Variants in PHACTR1 observed in about 807,000 individuals in gnomAD.
The protein encoded by PHACTR1 is RPEL repeat containing 1.
In PHACTR1, 16 loss-of-function variants were observed where a neutral mutation model predicts 69.2. The ratio of observed to expected loss-of-function variants is 0.23; its 90% CI spans 0.16 to 0.35. The LOEUF (loss-of-function observed/expected upper bound fraction) is 0.35. PHACTR1 is among the 10% of genes least tolerant of loss of function. The pLI is 1.00. For synonymous variants in PHACTR1, 312 were observed against 284.5 expected (o/e 1.10, Z -0.97); for missense variants, 510 against 734.7 (o/e 0.69, Z 3.54).
chr6:12,988,560 G>A (rs141894872), intron 4 of PHACTR1, among the ~76,000 whole-genome samples: 2 of 152,304 alleles, frequency 1.3e-5, no homozygotes, highest in African/African-American at 4.8e-5. Context: ...AAAGTATAAT[G>A]TTCGCAAAGT....
intron 4 of PHACTR1, among the ~76,000 whole-genome samples, chr6:12,887,053 C>T (rs1461360804): frequency 6.6e-6 from 1 of 152,130 alleles, no homozygotes; most frequent in Non-Finnish European, 1.5e-5. Context: ...ACCCCCTCCT[C>T]CTCCTTTTCT....
At chr6:13,067,455 A>T (rs1007059508) in intron 5 of PHACTR1, among the ~76,000 whole-genome samples, 7 of 152,218 alleles carry the variant, frequency 4.6e-5, no homozygotes, top group African/African-American at 1.4e-4. Flanking sequence ...ACGTATCTCT[A>T]TAAAGAAATG....
intron 7 of PHACTR1, among the ~76,000 whole-genome samples, chr6:13,196,329 A>T (rs1209386431): frequency 6.6e-6 from 1 of 152,194 alleles, no homozygotes; most frequent in Non-Finnish European, 1.5e-5. Context: ...GTAAAGAGAC[A>T]AAATCCCAGG....
At chr6:13,210,585 AGCT>A (rs1463765958) in intron 8 of PHACTR1, among the ~76,000 whole-genome samples, 4 of 152,190 alleles carry the variant, frequency 2.6e-5, no homozygotes, top group African/African-American at 7.2e-5. Context: ...ACCACGTATT[AGCT>A]GTGTGACCCA....
At chr6:12,941,294 C>T (rs1233935538) in intron 4 of PHACTR1, among the ~76,000 whole-genome samples, 1 of 152,162 alleles carries the variant, frequency 6.6e-6, no homozygotes, top group African/African-American at 2.4e-5. Context: ...TGATATTTAA[C>T]CTACATCACA....
intron 2 of PHACTR1, chr6:12,718,198 A>G (rs1761635082): frequency 6.6e-6 from 1 of 152,204 alleles, no homozygotes; most frequent in African/African-American, 2.4e-5. Flanking sequence ...AGGAATTCAA[A>G]GCATTTGTAC....
At chr6:12,739,137 T>C (rs1425566911) in intron 3 of PHACTR1, among the ~76,000 whole-genome samples, 1 of 152,164 alleles carries the variant, frequency 6.6e-6, no homozygotes, top group East Asian at 1.9e-4. Context: ...TAACAAGACA[T>C]AGTAAGGCTT....
intron 7 of PHACTR1, among the ~76,000 whole-genome samples, chr6:13,196,293 G>A (rs1387080382): frequency 1.4e-5 from 2 of 141,892 alleles, no homozygotes; most frequent in African/African-American, 5.3e-5. Context: ...GGGAAAGGAG[G>A]CATTTTTATT....
chr6:13,184,483 T>C (rs1191696831), intron 7 of PHACTR1, among the ~76,000 whole-genome samples: 1 of 152,240 alleles, frequency 6.6e-6, no homozygotes, highest in Admixed American at 6.5e-5. Flanking sequence ...TCTTAGAGCA[T>C]GTGTAGGGTT....
chr6:13,207,466 G>A (rs190611628), intron 8 of PHACTR1, among the ~76,000 whole-genome samples: 71 of 152,266 alleles, frequency 4.7e-4, no homozygotes, highest in African/African-American at 1.3e-3. Flanking sequence ...GTCGCTCTTC[G>A]GGGAGAGCTG....
At chr6:13,206,777 C>T (rs1043041710) in intron 8 of PHACTR1, among the ~76,000 whole-genome samples, 1 of 152,202 alleles carries the variant, frequency 6.6e-6, no homozygotes, top group Non-Finnish European at 1.5e-5. Flanking sequence ...CACACCCACA[C>T]TCACTCAGAC....
chr6:12,719,509 A>G (rs1761835297), intron 3 of PHACTR1, among the ~76,000 whole-genome samples: 1 of 149,722 alleles, frequency 6.7e-6, no homozygotes, highest in African/African-American at 2.5e-5. Context: ...CTAGGAGGAG[A>G]TTTTTTTTTT....
At chr6:12,958,830 C>T (rs565280999) in intron 4 of PHACTR1, among the ~76,000 whole-genome samples, 1 of 152,260 alleles carries the variant, frequency 6.6e-6, no homozygotes, top group African/African-American at 2.4e-5. Flanking sequence ...TTTTTCTGCC[C>T]TTCTCTCAGT....
At chr6:12,826,634 G>A (rs990758425) in intron 4 of PHACTR1, among the ~76,000 whole-genome samples, 13 of 152,144 alleles carry the variant, frequency 8.5e-5, no homozygotes, top group Non-Finnish European at 1.9e-4. Context: ...TCTTAAGTAT[G>A]TAATTTACAA....
Position 12,835,549 on chromosome 6 carries a change from C to T in PHACTR1, c.250+85759C>T, listed in dbSNP as rs541879799. Among the ~76,000 whole-genome samples, 4 of 152,194 alleles carry T rather than the reference C, an allele frequency of 2.6e-5. No homozygotes were observed. In the South Asian group the frequency reaches 8.3e-4, roughly 32 times the overall value. ...AATTCAATAGTTTTAAAAGGGTATT[C>T]AGGAGAAATAAGTCTCCCTCCCAGC... On this transcript the variant is annotated intron_variant, in intron 4 of 14. Coordinates refer to ENST00000332995, the MANE Select transcript of PHACTR1 (RefSeq NM_030948.6).
At chr6:13,244,913 T>C (rs537804969) in intron 10 of PHACTR1, among the ~76,000 whole-genome samples, 3 of 152,248 alleles carry the variant, frequency 2.0e-5, no homozygotes, top group Non-Finnish European at 4.4e-5. Flanking sequence ...AAGTGATAAG[T>C]GTCCATGAAA....
At chr6:12,719,495 G>A (rs938709578) in intron 3 of PHACTR1, among the ~76,000 whole-genome samples, 1 of 152,022 alleles carries the variant, frequency 6.6e-6, no homozygotes. Context: ...ATGGGATCTC[G>A]TGACTAGGAG....
chr6:12,757,343 G>A (rs139047006), intron 4 of PHACTR1, among the ~76,000 whole-genome samples: 1 of 152,260 alleles, frequency 6.6e-6, no homozygotes, highest in East Asian at 1.9e-4. Flanking sequence ...GACGAAGAGG[G>A]GGATTGAGAA....
At chr6:13,085,462 TAATC>T (rs1424858787) in intron 5 of PHACTR1, among the ~76,000 whole-genome samples, 1 of 152,072 alleles carries the variant, frequency 6.6e-6, no homozygotes, top group Non-Finnish European at 1.5e-5. Context: ...ATGCAAATAT[TAATC>T]AAATATATTT....
Sources: gnomAD v4.1 joint callset for allele counts (sites outside exome capture counted in the v4.1 genomes callset) on GRCh38, gnomAD v4.1.1 for gene constraint, MANE v1.5 for transcripts, NCBI Gene and HGNC (gene_info 2026-07-23, HGNC 2026-07-21) for gene names.